The following ZFYVE28 variants were observed in gnomAD, a reference collection of about 807,000 sequenced individuals.
ZFYVE28 encodes the protein lateral signaling target protein 2 homolog.
ZFYVE28 carries 40 observed loss-of-function variants against 82.1 expected under a neutral mutation model. The observed-to-expected ratio is 0.49, with a 90% CI of 0.38 to 0.63. The LOEUF is 0.63. ZFYVE28 is among the 30% of genes least tolerant of loss of function. The probability of loss-of-function intolerance (pLI) is 0.00; values close to 1 mark genes in which losing one functional copy is unlikely to be tolerated. For missense variants in ZFYVE28, 1,321 were observed against 1,242.1 expected (o/e 1.06, Z -0.96); for synonymous variants, 612 against 546.1 (o/e 1.12, Z -1.68).
intron 1 of ZFYVE28, among the ~76,000 whole-genome samples, chr4:2,368,885 A>G (rs1727198051): frequency 6.6e-6 from 1 of 152,250 alleles, no homozygotes; most frequent in African/African-American, 2.4e-5. Flanking sequence ...AGCAACTGCC[A>G]GGCTACTTTC....
chr4:2,303,891 G>C (rs1227352392), intron 8 of ZFYVE28, among the ~76,000 whole-genome samples: 1 of 152,234 alleles, frequency 6.6e-6, no homozygotes, highest in Non-Finnish European at 1.5e-5. Flanking sequence ...ATGCGGCTCA[G>C]GGCAAGGGGC....
chr4:2,376,959 C>T (rs893154574), intron 1 of ZFYVE28, among the ~76,000 whole-genome samples: 2 of 151,994 alleles, frequency 1.3e-5, no homozygotes, highest in African/African-American at 4.8e-5. Flanking sequence ...AAAGTGTATA[C>T]GTGTTGCTTG....
At chr4:2,330,635 G>T in intron 6 of ZFYVE28, 1 of 1,384,752 alleles carries the variant, frequency 7.2e-7, no homozygotes, top group Non-Finnish European at 9.4e-7. Context: ...GCATAGAGGA[G>T]GGGACAGTGT....
intron 1 of ZFYVE28, among the ~76,000 whole-genome samples, chr4:2,377,103 G>A (rs893185589): frequency 6.6e-6 from 1 of 151,270 alleles, no homozygotes; most frequent in Non-Finnish European, 1.5e-5. Flanking sequence ...CTCACTGCAA[G>A]CTCCACCTCC....
intron 7 of ZFYVE28, among the ~76,000 whole-genome samples, chr4:2,313,539 T>C (rs1376624999): frequency 6.6e-6 from 1 of 152,156 alleles, no homozygotes; most frequent in Non-Finnish European, 1.5e-5. Context: ...ACTACAGGTA[T>C]GAACCACTGC....
At chr4:2,289,568 G>C (rs1713282612) in intron 8 of ZFYVE28, among the ~76,000 whole-genome samples, 1 of 152,196 alleles carries the variant, frequency 6.6e-6, no homozygotes, top group Non-Finnish European at 1.5e-5. Context: ...TGGGCACGGA[G>C]CCAGGTGCAG....
chr4:2,398,978 GGT>G (rs1730813926), intron 1 of ZFYVE28, among the ~76,000 whole-genome samples: 1 of 143,576 alleles, frequency 7.0e-6, no homozygotes, highest in African/African-American at 2.6e-5. Context: ...CAGTGCACAA[GGT>G]CAGTGGCGAG....
chr4:2,352,096 T>G (rs1230706931), intron 2 of ZFYVE28, among the ~76,000 whole-genome samples: 1 of 152,160 alleles, frequency 6.6e-6, no homozygotes, highest in Non-Finnish European at 1.5e-5. Context: ...CTGAGAATAC[T>G]GTATTTTAGA....
At chr4:2,352,585 G>T (rs1560263806) in intron 2 of ZFYVE28, among the ~76,000 whole-genome samples, 1 of 152,046 alleles carries the variant, frequency 6.6e-6, no homozygotes, top group Non-Finnish European at 1.5e-5. Context: ...AAAGACCCCA[G>T]CAGCAAGGAG....
At chr4:2,404,137 G>A (rs539702839) in intron 1 of ZFYVE28, among the ~76,000 whole-genome samples, 6 of 151,758 alleles carry the variant, frequency 4.0e-5, no homozygotes, top group East Asian at 3.9e-4. Context: ...TGGCTAACAC[G>A]GTGAAACCCT....
intron 8 of ZFYVE28, among the ~76,000 whole-genome samples, chr4:2,302,971 C>G (rs573233038): frequency 2.0e-5 from 3 of 152,232 alleles, no homozygotes; most frequent in Non-Finnish European, 4.4e-5. Flanking sequence ...GCCGCGCCCT[C>G]GTTAAGCCGA....
At chr4:2,299,019 G>T (rs528904883) in intron 8 of ZFYVE28, among the ~76,000 whole-genome samples, 111 of 152,342 alleles carry the variant, frequency 7.3e-4, no homozygotes, top group African/African-American at 2.6e-3. Context: ...GAACAGACTT[G>T]TTTCTAGAAT....
At chr4:2,334,659 C>T (rs1348448704) in intron 6 of ZFYVE28, among the ~76,000 whole-genome samples, 1 of 151,080 alleles carries the variant, frequency 6.6e-6, no homozygotes, top group African/African-American at 2.4e-5. Context: ...ACATCCACAT[C>T]TCCACGGGCA....
intron 1 of ZFYVE28, among the ~76,000 whole-genome samples, chr4:2,364,043 G>A (rs76560246): frequency 0.029 from 4,442 of 152,314 alleles, 105 homozygotes; most frequent in Non-Finnish European, 0.044. Flanking sequence ...AGCCACCACC[G>A]ATGTTGGTGC....
At chr4:2,330,885 A>C in intron 6 of ZFYVE28, 1 of 1,534,540 alleles carries the variant, frequency 6.5e-7, no homozygotes, top group South Asian at 1.2e-5. Context: ...GTGCAGGCAG[A>C]TCACGGTGGG....
chr4:2,308,627 CAGAAAGAAAGAAAGAAAGAA>C (rs58958771), intron 7 of ZFYVE28, among the ~76,000 whole-genome samples: 3 of 79,522 alleles, frequency 3.8e-5, no homozygotes, highest in Non-Finnish European at 4.7e-5. Flanking sequence ...AGAAAGAAGA[CAGAAAGAAAGAAAGAAAGAA>C]AGAAAGAAAG....
At chr4:2,403,493 G>A (rs1350059804) in intron 1 of ZFYVE28, among the ~76,000 whole-genome samples, 2 of 152,216 alleles carry the variant, frequency 1.3e-5, no homozygotes, top group African/African-American at 2.4e-5. Flanking sequence ...CAGGCCTGTG[G>A]TTTCGAGGGG....
intron 7 of ZFYVE28, among the ~76,000 whole-genome samples, chr4:2,317,438 G>A (rs544990041): frequency 1.7e-4 from 26 of 152,306 alleles, no homozygotes; most frequent in Non-Finnish European, 2.6e-4. Flanking sequence ...CTTCGGACAC[G>A]GAGTAGGTTG....
At position 2,355,248 on chromosome 4, in the gene ZFYVE28, ATATATATATATATATATATAT is replaced by A. The variant is rs1725111863; in HGVS notation, c.40-1196_40-1176del. Among the ~76,000 whole-genome samples, 3 of 21,804 alleles carry A rather than the reference ATATATATATATATATATATAT, an allele frequency of 1.4e-4. 1 individual carries two copies. The highest frequency in any genetic ancestry group is 8.0e-4 in the African/African-American group (3 of 3,762). The allele number at this position is 21,804 out of a possible 152,430, so 14.3% of individuals were successfully genotyped here. ...TATATATATATATATATATATATAT[ATATATATATATATATATATAT>A]ATAATGATTCTTCTTTTTTTTTTTT... On this transcript the variant is annotated intron_variant, in intron 1 of 12. Transcript: ENST00000290974.
Sources: allele counts gnomAD v4.1 joint callset (sites outside exome capture counted in the v4.1 genomes callset), GRCh38; gene constraint gnomAD v4.1.1; transcripts MANE v1.5; gene names NCBI Gene and HGNC (gene_info 2026-07-23, HGNC 2026-07-21).